CD72: variants seen among roughly 807,000 people sequenced by gnomAD.
The protein encoded by CD72 is B-cell differentiation antigen CD72.
Under a neutral mutation model 50.7 loss-of-function variants are expected in CD72, and 28 were observed. The observed-to-expected ratio is 0.55, with a 90% CI of 0.41 to 0.76. CD72 has a LOEUF of 0.76. Among genes scored for constraint, CD72 ranks in the 30% least tolerant of loss-of-function variants. The probability of loss-of-function intolerance (pLI) is 0.00; values close to 1 mark genes in which losing one functional copy is unlikely to be tolerated. For synonymous variants in CD72, 176 were observed against 171.2 expected, an observed-to-expected ratio of 1.03 and a Z score of -0.22; for missense variants, 403 against 420.6, an observed-to-expected ratio of 0.96 and a Z score of 0.37.
At chr9:35,637,400 C>T (rs548609334) in intron 1 of CD72, among the ~76,000 whole-genome samples, 29 of 152,306 alleles carry the variant, frequency 1.9e-4, no homozygotes, top group Admixed American at 6.5e-4. Flanking sequence ...CCCCTGTCCT[C>T]GCCCTAACTC....
At chr9:35,627,495 A>T (rs968364265) in intron 1 of CD72, among the ~76,000 whole-genome samples, 2 of 152,130 alleles carry the variant, frequency 1.3e-5, no homozygotes, top group Non-Finnish European at 2.9e-5. Context: ...GTGATCTCAA[A>T]CCTGAACCCA....
rs752828898 is a variant in CD72 at position 35,618,201 on chromosome 9, G to A, written c.82+21C>T. 2.5e-6 allele frequency: 4 copies of A among 1,610,824 alleles called. No individual in the cohort carries two copies. The South Asian group carries it at 4.4e-5, about 18-fold the overall frequency. On this transcript the variant is annotated intron_variant, in intron 1 of 8. Transcript: ENST00000259633. ...CGGGAAGTGGGGATGCAGGATCAAG[G>A]GGAGGCCTCATCCCCCTTACCCTGT...
At chr9:35,636,173 T>C (rs1406527810) in intron 1 of CD72, among the ~76,000 whole-genome samples, 1 of 152,184 alleles carries the variant, frequency 6.6e-6, no homozygotes, top group African/African-American at 2.4e-5. Context: ...ACAGCATCCT[T>C]GACCTCTTTC....
intron 1 of CD72, among the ~76,000 whole-genome samples, chr9:35,638,800 G>A (rs1000058731): frequency 3.3e-5 from 5 of 151,664 alleles, no homozygotes; most frequent in Non-Finnish European, 7.4e-5. Flanking sequence ...GACCCCCAAA[G>A]GAACTATCAG....
In CD72 at chr9:35,617,233, G is replaced by T. The variant is rs770085314; in HGVS notation, c.205C>A (p.Gln69Lys). ...ACGGCTCTCCAGGACGCAGTTGGCT[G>T]CTCCGACTTGACCGCTGTCGAGGGG... ...LGDKAAVKSE[Q>K]PTASWRAVTS... The change falls in exon 3 of 9, where the codon CAG (glutamine) becomes AAG (lysine). Residue 69 changes from glutamine to lysine, a missense_variant. Gln to Lys is a moderately conservative substitution (Grantham distance 53). Transcript: ENST00000259633. The T allele has an allele frequency of 2.6e-6, 4 of 1,559,812 alleles. No homozygotes were observed. The highest frequency in any genetic ancestry group is 3.5e-6 in the Non-Finnish European group (4 of 1,151,796).
Position 35,645,599 on chromosome 9 carries a change from A to AC in CD72, n.408+803_408+804insG, listed in dbSNP as rs535448673. Among the ~76,000 whole-genome samples the AC allele has an allele frequency of 2.9e-3, 237 of 83,154 alleles. 1 individual carries two copies. The highest frequency in any genetic ancestry group is 7.2e-3 in the Middle Eastern group (1 of 138). The allele number at this position is 83,154 out of a possible 152,430, so 54.6% of individuals were successfully genotyped here. ...TCCGTCTCAAAAAACAAAAACAAAC[A>AC]AAAAAAAACTTGGTCTGTATTATGC... is the stretch of plus-strand genomic sequence containing the variant. On this transcript the variant is annotated intron_variant and non_coding_transcript_variant, in intron 1 of 3. Coordinates refer to the CD72 transcript ENST00000465754.
intron 7 of CD72, among the ~76,000 whole-genome samples, chr9:35,611,034 A>G (rs937057968): frequency 3.9e-5 from 6 of 152,236 alleles, no homozygotes; most frequent in Middle Eastern, 3.4e-3. Context: ...GGTGGATCAC[A>G]AGGTCAGGAC....
intron 1 of CD72, among the ~76,000 whole-genome samples, chr9:35,643,946 A>G (rs959937519): frequency 2.6e-5 from 4 of 151,846 alleles, no homozygotes; most frequent in Non-Finnish European, 4.4e-5. Flanking sequence ...AGATCGCACC[A>G]TTGTACTCCA....
chr9:35,629,784 T>C (rs1181496210), intron 1 of CD72, among the ~76,000 whole-genome samples: 1 of 152,228 alleles, frequency 6.6e-6, no homozygotes, highest in Non-Finnish European at 1.5e-5. Flanking sequence ...GCTCTGCTGC[T>C]ACATGGGTAT....
chr9:35,627,341 G>A (rs1823205086), intron 1 of CD72, among the ~76,000 whole-genome samples: 1 of 148,486 alleles, frequency 6.7e-6, no homozygotes, highest in Non-Finnish European at 1.5e-5. Context: ...TGTTCCCCAG[G>A]CTGGTCTCAA....
At chr9:35,631,548 A>G (rs1823246084) in intron 1 of CD72, among the ~76,000 whole-genome samples, 1 of 152,200 alleles carries the variant, frequency 6.6e-6, no homozygotes, top group Non-Finnish European at 1.5e-5. Context: ...TACTAGCTTT[A>G]CAATTAAATC....
In CD72 at chr9:35,628,458, G is replaced by T. The variant is rs569215807; in HGVS notation, n.409-10337C>A. Reference sequence around the variant, plus strand: ...ATACAAAAAAATTTAGCTGGGCATGGTGGCAGGCACCTGTAGTAAGAAACA... The same window carrying T: ...ATACAAAAAAATTTAGCTGGGCATGTTGGCAGGCACCTGTAGTAAGAAACA... On this transcript the variant is annotated intron_variant and non_coding_transcript_variant, in intron 1 of 3. Transcript: ENST00000465754. Among the ~76,000 whole-genome samples, 316 of 152,356 alleles carry T rather than the reference G, an allele frequency of 2.1e-3. 1 individual carries two copies. Among genetic ancestry groups the T allele is most frequent in the Non-Finnish European group, 2.3e-3 (154 of 68,038 alleles).
Position 35,616,626 on chromosome 9 carries a change from A to T in CD72, c.326T>A (p.Val109Glu). The T allele has an allele frequency of 6.2e-7, 1 of 1,613,946 alleles. No individual in the cohort carries two copies. ...GLLLTCLLLGVTAICLGVRYL... is the reference protein window; with the variant it reads ...GLLLTCLLLGETAICLGVRYL... ...GCGCACTCCCAGGCAGATGGCGGTC[A>T]CTCCTAACAGCAGGCAGGTGAGGAG... Residue 109 changes from valine (V) to glutamate (E), a missense_variant, in exon 4 of 9, where the codon GTG (valine) becomes GAG (glutamate). Transcript: ENST00000259633.
chr9:35,616,127 C>T lies in CD72; in HGVS notation c.504G>A (p.Gln168=), dbSNP rs763212374. ...CCCTCTGTTCCACCTGTAGTGCTTC[C>T]TGACTCTGCGCCAGCTCTCTCCTGG... is the stretch of plus-strand genomic sequence containing the variant. ...QGSRRELAQS[Q]EALQVEQRAH... is the part of the protein sequence containing the mutation. The change falls in exon 5 of 9, where the codon CAG becomes CAA. Residue 168 remains glutamine, a synonymous_variant. Transcript: ENST00000259633. 1 of 1,614,168 alleles carries T rather than the reference C, an allele frequency of 6.2e-7. No individual in the cohort carries two copies.
chr9:35,612,518 G>A (rs1325516151), intron 6 of CD72, among the ~76,000 whole-genome samples: 1 of 152,080 alleles, frequency 6.6e-6, no homozygotes, highest in African/African-American at 2.4e-5. Context: ...CCAGGAGGCG[G>A]AGGTTGCAGT....
chr9:35,614,798 C>T (rs1341228833), intron 5 of CD72, among the ~76,000 whole-genome samples: 20 of 151,916 alleles, frequency 1.3e-4, no homozygotes, highest in Admixed American at 5.9e-4. Context: ...TCCAGGAGTT[C>T]GATACCGGCC....
upstream of CD72, chr9:35,619,414 G>C (rs1823121749): frequency 6.6e-6 from 1 of 152,324 alleles, no homozygotes; most frequent in Non-Finnish European, 1.5e-5. Context: ...GTAGTGTGGG[G>C]GTGGGAAGAA....
upstream of CD72, among the ~76,000 whole-genome samples, chr9:35,623,583 G>A (rs1823164800): frequency 6.6e-6 from 1 of 152,072 alleles, no homozygotes; most frequent in Non-Finnish European, 1.5e-5. Context: ...CAGAAATTGT[G>A]TCTTGTGACC....
At chr9:35,623,408 G>C (rs146543264), upstream of CD72, among the ~76,000 whole-genome samples, 235 of 152,300 alleles carry the variant, frequency 1.5e-3, no homozygotes, top group African/African-American at 5.5e-3. Context: ...CTGCCACATA[G>C]AACTGTAGCC....
Sources: gnomAD v4.1 joint callset for allele counts (sites outside exome capture counted in the v4.1 genomes callset) on GRCh38, gnomAD v4.1.1 for gene constraint, MANE v1.5 for transcripts, NCBI Gene and HGNC (gene_info 2026-07-23, HGNC 2026-07-21) for gene names.